The following KCNIP4 variants were observed in gnomAD, a reference collection of about 807,000 sequenced individuals.
KCNIP4 encodes potassium voltage-gated channel interacting protein 4, also known as Kv channel-interacting protein 4.
KCNIP4 carries 12 observed loss-of-function variants against 34.0 expected under a neutral mutation model. The observed-to-expected ratio is 0.35, with a 90% CI of 0.23 to 0.57. KCNIP4 has a LOEUF of 0.57. Among genes scored for constraint, KCNIP4 ranks in the 20% least tolerant of loss-of-function variants. The pLI, the probability that KCNIP4 is intolerant of heterozygous loss-of-function variation, is 0.83. For synonymous variants in KCNIP4, 124 were observed against 102.2 expected (o/e 1.21, Z -1.29); for missense variants, 238 against 311.7 (o/e 0.76, Z 1.78).
chr4:21,267,366 A>AAG (rs2109122736), intron 1 of KCNIP4, among the ~76,000 whole-genome samples: 1 of 152,134 alleles, frequency 6.6e-6, no homozygotes, highest in South Asian at 2.1e-4. Flanking sequence ...TAAAAAAAAA[A>AAG]AAACTCTTCT....
intron 1 of KCNIP4, among the ~76,000 whole-genome samples, chr4:21,661,031 C>G (rs1287531269): frequency 6.6e-6 from 1 of 152,008 alleles, no homozygotes. Context: ...CATATAAACC[C>G]CAAGCTCCAT....
At chr4:21,111,257 T>C (rs1749142288) in intron 1 of KCNIP4, among the ~76,000 whole-genome samples, 1 of 151,830 alleles carries the variant, frequency 6.6e-6, no homozygotes, top group South Asian at 2.1e-4. Flanking sequence ...GAATTGATCC[T>C]TGGCTTTGAG....
chr4:20,734,516 AT>A (rs1749113734), intron 6 of KCNIP4, 111 bp downstream of exon 6: 1 of 545,058 alleles, frequency 1.8e-6, no homozygotes, highest in Non-Finnish European at 3.2e-6. Flanking sequence ...TACATAAAAT[AT>A]TTTGGAATTT....
At chr4:21,569,464 T>C (rs1604805) in intron 1 of KCNIP4, among the ~76,000 whole-genome samples, 8,657 of 151,966 alleles carry the variant, frequency 0.057, 316 homozygotes, top group Middle Eastern at 0.1. Context: ...AATTTGAGGA[T>C]TCATGACATT....
intron 1 of KCNIP4, among the ~76,000 whole-genome samples, chr4:21,459,832 A>C (rs1729297143): frequency 6.6e-6 from 1 of 152,020 alleles, no homozygotes; most frequent in Non-Finnish European, 1.5e-5. Flanking sequence ...CAGCATATTC[A>C]GAATCCAACC....
At chr4:20,834,735 C>A (rs1460165940) in intron 3 of KCNIP4, among the ~76,000 whole-genome samples, 2 of 152,142 alleles carry the variant, frequency 1.3e-5, no homozygotes, top group East Asian at 1.9e-4. Context: ...GAAGGTCACC[C>A]AAAGGCAAGG....
At chr4:20,767,911 A>T (rs1178967956) in intron 3 of KCNIP4, among the ~76,000 whole-genome samples, 3 of 152,202 alleles carry the variant, frequency 2.0e-5, no homozygotes, top group Non-Finnish European at 2.9e-5. Context: ...AGGCATCTGT[A>T]TATTTCACCA....
chr4:20,988,023 T>TATATA (rs1033781557), intron 1 of KCNIP4, among the ~76,000 whole-genome samples: 1 of 83,600 alleles, frequency 1.2e-5, no homozygotes, highest in Admixed American at 1.3e-4. Flanking sequence ...AAAAAAAAAA[T>TATATA]TATAGATATT....
intron 1 of KCNIP4, among the ~76,000 whole-genome samples, chr4:21,668,355 G>GA (rs368285844): frequency 1.9e-4 from 29 of 150,340 alleles, no homozygotes; most frequent in African/African-American, 4.6e-4. Flanking sequence ...TTTTTTAGAA[G>GA]AAAAAAAAAC....
chr4:21,658,142 T>A (rs1366306041), intron 1 of KCNIP4, among the ~76,000 whole-genome samples: 2 of 152,154 alleles, frequency 1.3e-5, no homozygotes, highest in Non-Finnish European at 2.9e-5. Context: ...CCAGCCTAAA[T>A]GTAATTTTAT....
At chr4:20,934,535 C>A (rs567761151) in intron 1 of KCNIP4, among the ~76,000 whole-genome samples, 1 of 151,942 alleles carries the variant, frequency 6.6e-6, no homozygotes, top group African/African-American at 2.4e-5. Flanking sequence ...ATTTCACTCA[C>A]CCTTAAATTT....
intron 1 of KCNIP4, among the ~76,000 whole-genome samples, chr4:21,815,114 C>T (rs548756048): frequency 2.6e-4 from 40 of 152,242 alleles, no homozygotes; most frequent in Admixed American, 1.7e-3. Context: ...CTATGAGGAT[C>T]GTGTACACCA....
At chr4:21,638,365 T>A (rs1016751891) in intron 1 of KCNIP4, among the ~76,000 whole-genome samples, 1 of 152,068 alleles carries the variant, frequency 6.6e-6, no homozygotes, top group Non-Finnish European at 1.5e-5. Context: ...GGTTCAAAGA[T>A]TTTTTTTCTC....
At chr4:21,018,627 A>G (rs1380392473) in intron 1 of KCNIP4, among the ~76,000 whole-genome samples, 1 of 152,082 alleles carries the variant, frequency 6.6e-6, no homozygotes, top group Non-Finnish European at 1.5e-5. Flanking sequence ...GGTGGTCTAG[A>G]TCACTTCCAC....
intron 2 of KCNIP4, among the ~76,000 whole-genome samples, chr4:20,861,967 G>A (rs1454609137): frequency 8.4e-6 from 1 of 119,682 alleles, no homozygotes; most frequent in Admixed American, 9.4e-5. Flanking sequence ...CCTTATGGTA[G>A]GAGTTATTAT....
At position 21,365,424 on chromosome 4, in the gene KCNIP4, G is replaced by C. The variant is rs553726943; in HGVS notation, c.62-482715C>G. Reference sequence around the variant, plus strand: ...CCCTTGAACCTGAAGGGTGCAGTGAGCCAAGATCACACCACTGCACTCCAG... The same window carrying C: ...CCCTTGAACCTGAAGGGTGCAGTGACCCAAGATCACACCACTGCACTCCAG... On this transcript the variant is annotated intron_variant, in intron 1 of 8. Transcript: ENST00000382152. 5.3e-5 allele frequency among the ~76,000 whole-genome samples: 8 copies of C among 150,592 alleles called. No homozygotes were observed. The East Asian group carries it at 1.6e-3, about 29-fold the overall frequency.
At chr4:20,955,225 G>A (rs1487457010) in intron 1 of KCNIP4, among the ~76,000 whole-genome samples, 2 of 147,978 alleles carry the variant, frequency 1.4e-5, no homozygotes, top group Non-Finnish European at 1.5e-5. Flanking sequence ...TTAAACTGTG[G>A]TAATACAACC....
chr4:20,848,478 T>C (rs1720636058), intron 3 of KCNIP4, among the ~76,000 whole-genome samples: 1 of 129,896 alleles, frequency 7.7e-6, no homozygotes, highest in Non-Finnish European at 1.7e-5. Context: ...GAGAAGGACA[T>C]ATGGGCAACA....
intron 1 of KCNIP4, among the ~76,000 whole-genome samples, chr4:21,870,723 T>C (rs73258503): frequency 0.36 from 54,483 of 152,092 alleles, 11,587 homozygotes; most frequent in Non-Finnish European, 0.49. Flanking sequence ...TCAAATTCTT[T>C]TGTGTGGCAA....
Sources: allele counts gnomAD v4.1 joint callset (sites outside exome capture counted in the v4.1 genomes callset), GRCh38; gene constraint gnomAD v4.1.1; transcripts MANE v1.5; gene names NCBI Gene and HGNC (gene_info 2026-07-23, HGNC 2026-07-21).